KDM2B: variants seen among roughly 807,000 people sequenced by gnomAD.
KDM2B encodes the protein lysine-specific demethylase 2B.
A neutral mutation model predicts 150.0 loss-of-function variants in KDM2B; 26 were observed. The ratio of observed to expected loss-of-function variants is 0.17; its 90% CI spans 0.13 to 0.24. The LOEUF (loss-of-function observed/expected upper bound fraction) is 0.24, where lower values mean the gene tolerates loss of function less well. Among genes scored for constraint, KDM2B ranks in the 10% least tolerant of loss-of-function variants. The pLI is 1.00. For synonymous variants in KDM2B, 734 were observed against 729.5 expected, an observed-to-expected ratio of 1.01 and a Z score of -0.10; for missense variants, 1,265 against 1,816.9, an observed-to-expected ratio of 0.70 and a Z score of 5.52.
intron 4 of KDM2B, among the ~76,000 whole-genome samples, chr12:121,566,495 G>A (rs1044994982): frequency 1.1e-4 from 17 of 152,058 alleles, no homozygotes; most frequent in Admixed American, 2.0e-4. Flanking sequence ...GGTGGCGGGT[G>A]CCTGTAATTC....
intron 22 of KDM2B, among the ~76,000 whole-genome samples, chr12:121,435,532 T>A (rs1171171766): frequency 6.6e-6 from 1 of 152,146 alleles, no homozygotes; most frequent in African/African-American, 2.4e-5. Flanking sequence ...AAGCACTGGT[T>A]GAAAATCTAT....
the KDM2B span, chr12:121,420,822 G>A: frequency 1.3e-6 from 2 of 1,493,566 alleles, no homozygotes; most frequent in Non-Finnish European, 1.9e-6. Flanking sequence ...TTTTTCCTTA[G>A]GCTTTTAAAA....
At chr12:121,526,169 TGA>T (rs1316876870) in intron 8 of KDM2B, among the ~76,000 whole-genome samples, 1 of 152,046 alleles carries the variant, frequency 6.6e-6, no homozygotes, top group African/African-American at 2.4e-5. Context: ...CTGGCCAACA[TGA>T]TGAAACCCCG....
chr12:121,420,841 G>T, the KDM2B span: 32 of 1,264,426 alleles, frequency 2.5e-5, no homozygotes, highest in African/African-American at 4.8e-4. Context: ...AAACTGGGTT[G>T]TTTTTGTCAC....
the KDM2B span, among the ~76,000 whole-genome samples, chr12:121,423,070 T>G: frequency 6.6e-6 from 1 of 152,226 alleles, no homozygotes; most frequent in African/African-American, 2.4e-5. This position sits in a 1 kb window ranked among gnomAD's most constrained non-coding sequence, Gnocchi z 4.3. Flanking sequence ...TTTTTCTAGT[T>G]ACAGAAGTAA....
At chr12:121,454,921 C>T (rs1593803546) in intron 12 of KDM2B, among the ~76,000 whole-genome samples, 1 of 152,126 alleles carries the variant, frequency 6.6e-6, no homozygotes, top group Admixed American at 6.5e-5. Flanking sequence ...ACTCCCTGCA[C>T]CCTAGGGGCT....
intron 12 of KDM2B, among the ~76,000 whole-genome samples, chr12:121,476,295 CA>C (rs150541167): frequency 9.3e-4 from 124 of 133,730 alleles, no homozygotes; most frequent in South Asian, 1.4e-3. Context: ...GACTTCGCCT[CA>C]AAAAAAAAAA....
rs139722131 is a variant in KDM2B, at chr12:121,435,505, G to T, written c.3829+4352C>A. On this transcript the variant is annotated intron_variant, in intron 22 of 22. Transcript: ENST00000377071. ...CATGTACATTGGAAGTGGGGCTAAAGATGGTGTTAGTAACAGAAGCACTGG... is the reference window on the plus strand; with the variant it reads ...CATGTACATTGGAAGTGGGGCTAAATATGGTGTTAGTAACAGAAGCACTGG... 1.1e-4 allele frequency among the ~76,000 whole-genome samples: 17 copies of T among 152,314 alleles called. No homozygotes were observed. The East Asian group carries it at 3.3e-3, about 29-fold the overall frequency.
intron 11 of KDM2B, among the ~76,000 whole-genome samples, chr12:121,509,099 C>T (rs782559999): frequency 4.6e-5 from 7 of 152,116 alleles, no homozygotes; most frequent in African/African-American, 7.2e-5. Flanking sequence ...TGCTCTGTTG[C>T]CCAGGCTGGA....
chr12:121,504,747 C>A (rs2140689821), intron 11 of KDM2B, among the ~76,000 whole-genome samples: 1 of 152,128 alleles, frequency 6.6e-6, no homozygotes, highest in Admixed American at 6.6e-5. Context: ...TGCCTGTAAT[C>A]CCAGCATTTC....
chr12:121,489,991 A>C (rs931444116), intron 12 of KDM2B, among the ~76,000 whole-genome samples: 2 of 152,170 alleles, frequency 1.3e-5, no homozygotes, highest in Admixed American at 1.3e-4. Flanking sequence ...CATCAGCTTC[A>C]TGACTGCGGG....
chr12:121,497,015 CT>C lies in KDM2B; in HGVS notation c.1648-2351del, dbSNP rs147588709. Among the ~76,000 whole-genome samples, 636 of 142,212 alleles carry C rather than the reference CT, an allele frequency of 4.5e-3. 3 individuals carry two copies. The highest frequency in any genetic ancestry group is 8.9e-3 in the African/African-American group (348 of 39,002). The allele number at this position is 142,212 out of a possible 152,430, so 93.3% of individuals were successfully genotyped here. On this transcript the variant is annotated intron_variant, in intron 11 of 22. Transcript: ENST00000377071. ...ATCATAATTTGCTTGCATGATTTTT[CT>C]TTTTTTTTTTTTGAGTGATTTTTCA...
intron 11 of KDM2B, among the ~76,000 whole-genome samples, chr12:121,508,983 G>T (rs1328233302): frequency 3.9e-5 from 6 of 152,122 alleles, no homozygotes; most frequent in Non-Finnish European, 8.8e-5. Flanking sequence ...CCTGCTGGTG[G>T]GGACTCAGGT....
chr12:121,431,879 CTT>C (rs77237915), intron 22 of KDM2B, among the ~76,000 whole-genome samples: 15 of 122,376 alleles, frequency 1.2e-4, no homozygotes, highest in Non-Finnish European at 1.5e-4. Context: ...TTTCTTTTTT[CTT>C]TTTTTTTTTT....
the KDM2B span, among the ~76,000 whole-genome samples, chr12:121,421,424 C>T: frequency 1.4e-5 from 2 of 146,478 alleles, no homozygotes; most frequent in African/African-American, 5.0e-5. Context: ...GTGGTGGCAC[C>T]AGCCTGTGGT....
intron 13 of KDM2B, among the ~76,000 whole-genome samples, chr12:121,446,832 G>T (rs1876361777): frequency 6.6e-6 from 1 of 152,204 alleles, no homozygotes; most frequent in Non-Finnish European, 1.5e-5. Flanking sequence ...AATGAGATCA[G>T]TAATCATATT....
intron 8 of KDM2B, 33 bp downstream of exon 8, chr12:121,532,773 C>A: frequency 6.2e-7 from 1 of 1,610,230 alleles, no homozygotes; most frequent in South Asian, 1.1e-5. Flanking sequence ...GCAGGAGACT[C>A]GAGGAGCCCA....
intron 9 of KDM2B, among the ~76,000 whole-genome samples, chr12:121,519,361 C>T (rs777370927): frequency 1.3e-5 from 2 of 152,194 alleles, no homozygotes; most frequent in Non-Finnish European, 2.9e-5. Flanking sequence ...TGCAGAGCAA[C>T]ACCTCACTGG....
downstream of KDM2B, among the ~76,000 whole-genome samples, chr12:121,424,591 G>A (rs1386498060): frequency 2.0e-5 from 3 of 152,016 alleles, no homozygotes; most frequent in African/African-American, 7.2e-5. Context: ...AGGCGTGGTA[G>A]TCCCAGCTAC....
Sources: gnomAD v4.1 joint callset for allele counts (sites outside exome capture counted in the v4.1 genomes callset) on GRCh38, gnomAD v4.1.1 for gene constraint, Gnocchi (gnomAD v3.1) non-coding constraint, MANE v1.5 for transcripts, NCBI Gene and HGNC (gene_info 2026-07-23, HGNC 2026-07-21) for gene names.